Variants in TIAM1 observed in about 807,000 individuals in gnomAD.
TIAM1 encodes the protein TIAM Rac1 associated GEF 1, also known as rho guanine nucleotide exchange factor TIAM1.
Under a neutral mutation model 163.5 loss-of-function variants are expected in TIAM1, and 65 were observed. The observed-to-expected ratio is 0.40, with a 90% confidence interval of 0.33 to 0.49. The LOEUF (loss-of-function observed/expected upper bound fraction) is 0.49. TIAM1 is among the 20% of genes least tolerant of loss of function. TIAM1 has a pLI of 0.77. For synonymous variants in TIAM1, 833 were observed against 810.1 expected, an observed-to-expected ratio of 1.03 and a Z score of -0.48; for missense variants, 1,789 against 2,044.7, an observed-to-expected ratio of 0.87 and a Z score of 2.41.
At position 31,144,202 on chromosome 21, in the gene TIAM1, G is replaced by A. The variant is rs757463196; in HGVS notation, c.3475+2693C>T. On this transcript the variant is annotated intron_variant, in intron 20 of 27. Transcript: ENST00000541036. ...AGAAAGGACACTGGGAAGAGTGGCCGACTGGCCCCATGTGACAGGAGAGCT... is the reference window on the plus strand; with the variant it reads ...AGAAAGGACACTGGGAAGAGTGGCCAACTGGCCCCATGTGACAGGAGAGCT... Among the ~76,000 whole-genome samples the A allele has an allele frequency of 1.4e-4, 22 of 152,184 alleles. 1 individual carries two copies. Among genetic ancestry groups the A allele is most frequent in the Non-Finnish European group, 2.5e-4 (17 of 68,032 alleles).
At chr21:31,431,034 A>G (rs1263206240) in intron 2 of TIAM1, among the ~76,000 whole-genome samples, 2 of 152,162 alleles carry the variant, frequency 1.3e-5, no homozygotes, top group Non-Finnish European at 2.9e-5. Context: ...TGACAATAAT[A>G]ATAATTCTCA....
At chr21:31,537,081 C>T (rs1396438026) in intron 1 of TIAM1, among the ~76,000 whole-genome samples, 1 of 152,244 alleles carries the variant, frequency 6.6e-6, no homozygotes, top group Non-Finnish European at 1.5e-5. Flanking sequence ...TGCTGCAATT[C>T]TGCCTCTGTC....
intron 2 of TIAM1, among the ~76,000 whole-genome samples, chr21:31,277,510 T>C (rs1189229722): frequency 3.3e-5 from 5 of 152,130 alleles, no homozygotes; most frequent in Admixed American, 2.0e-4. Flanking sequence ...CCAGGCATGA[T>C]GGTAGGTGCT....
At chr21:31,349,502 C>T (rs2076200443) in intron 2 of TIAM1, among the ~76,000 whole-genome samples, 3 of 152,218 alleles carry the variant, frequency 2.0e-5, no homozygotes, top group Non-Finnish European at 2.9e-5. Context: ...GGGGTAAAAG[C>T]ATCGAAGTTT....
At chr21:31,527,370 T>C (rs1174191609) in intron 1 of TIAM1, among the ~76,000 whole-genome samples, 2 of 152,082 alleles carry the variant, frequency 1.3e-5, no homozygotes, top group East Asian at 1.9e-4. Context: ...AAAGACCACA[T>C]TTAGGTGCCT....
At chr21:31,148,585 G>A in intron 19 of TIAM1, among the ~76,000 whole-genome samples, 1 of 152,150 alleles carries the variant, frequency 6.6e-6, no homozygotes, top group East Asian at 1.9e-4. Flanking sequence ...AAGAAAATGT[G>A]CTAAATGTAA....
intron 2 of TIAM1, among the ~76,000 whole-genome samples, chr21:31,458,567 C>T (rs935475129): frequency 4.6e-5 from 7 of 152,184 alleles, no homozygotes; most frequent in African/African-American, 1.4e-4. Context: ...CACTGTCCAA[C>T]TGAAGAATTT....
intron 2 of TIAM1, among the ~76,000 whole-genome samples, chr21:31,409,133 C>T (rs1158613258): frequency 3.5e-5 from 5 of 143,976 alleles, no homozygotes; most frequent in Non-Finnish European, 7.5e-5. Context: ...TTTTTTGAGA[C>T]GAAGTCTCGC....
At chr21:31,252,337 A>T in intron 4 of TIAM1, 148 bp from the exon 5 acceptor site, 2 of 862,992 alleles carry the variant, frequency 2.3e-6, no homozygotes, top group South Asian at 3.4e-5. Flanking sequence ...CTCCTGGACC[A>T]GGTCCTGCTC....
At chr21:31,513,090 T>C (rs1459385889) in intron 1 of TIAM1, among the ~76,000 whole-genome samples, 31 of 152,240 alleles carry the variant, frequency 2.0e-4, no homozygotes, top group Non-Finnish European at 4.1e-4. Flanking sequence ...CATTTACTCT[T>C]TTTTAACATA....
At chr21:31,310,060 G>C (rs1332763582) in intron 2 of TIAM1, among the ~76,000 whole-genome samples, 6 of 152,206 alleles carry the variant, frequency 3.9e-5, no homozygotes, top group Non-Finnish European at 8.8e-5. Context: ...ATACCCAACA[G>C]TGGCAGAGAT....
At chr21:31,289,838 T>G (rs2073947402) in intron 2 of TIAM1, among the ~76,000 whole-genome samples, 1 of 152,084 alleles carries the variant, frequency 6.6e-6, no homozygotes, top group South Asian at 2.1e-4. Flanking sequence ...AGCAAATCTG[T>G]TTCTAGTATG....
At chr21:31,354,250 C>T (rs2076280989) in intron 2 of TIAM1, among the ~76,000 whole-genome samples, 1 of 151,996 alleles carries the variant, frequency 6.6e-6, no homozygotes. Flanking sequence ...AACCTCATGC[C>T]CTCTTAAGGA....
intron 17 of TIAM1, 84 bp from the exon 18 acceptor site, chr21:31,153,218 T>C (rs1284359117): frequency 1.7e-6 from 2 of 1,168,122 alleles, no homozygotes; most frequent in East Asian, 2.4e-5. Flanking sequence ...CATATGTTAA[T>C]GTCTATAAAA....
rs999599515 is a variant in TIAM1 at position 31,328,212 on chromosome 21, C to A, written c.-189+11031G>T. 2.6e-5 allele frequency among the ~76,000 whole-genome samples: 4 copies of A among 152,248 alleles called. No individual in the cohort carries two copies. The East Asian group carries it at 7.7e-4, about 29-fold the overall frequency. On this transcript the variant is annotated intron_variant, in intron 2 of 27. Transcript: ENST00000541036. ...CTTGCTTCAAGGGCCTCCACTGTAA[C>A]AATCACCTTCCCACATGGTACATGT...
intron 23 of TIAM1, among the ~76,000 whole-genome samples, chr21:31,133,792 G>A (rs372340564): frequency 3.3e-5 from 5 of 152,234 alleles, no homozygotes; most frequent in South Asian, 2.1e-4. Flanking sequence ...AAAGAGGGTC[G>A]GGCGCGGTGG....
At chr21:31,443,026 A>T (rs1389319175) in intron 2 of TIAM1, among the ~76,000 whole-genome samples, 1 of 152,238 alleles carries the variant, frequency 6.6e-6, no homozygotes, top group Non-Finnish European at 1.5e-5. Flanking sequence ...GTTACCCAGG[A>T]TTGAAAGCAA....
chr21:31,501,961 G>T (rs533536674), intron 1 of TIAM1, among the ~76,000 whole-genome samples: 1 of 152,142 alleles, frequency 6.6e-6, no homozygotes, highest in Non-Finnish European at 1.5e-5. Flanking sequence ...TGGGACCAAC[G>T]GGCTGAATGC....
chr21:31,150,355 T>C (rs1175341729), intron 19 of TIAM1, among the ~76,000 whole-genome samples: 1 of 152,144 alleles, frequency 6.6e-6, no homozygotes, highest in Non-Finnish European at 1.5e-5. Flanking sequence ...CCAAAACTTG[T>C]ACCCTAACAT....
Sources: allele counts gnomAD v4.1 joint callset (sites outside exome capture counted in the v4.1 genomes callset), GRCh38; gene constraint gnomAD v4.1.1; transcripts MANE v1.5; gene names NCBI Gene and HGNC (gene_info 2026-07-23, HGNC 2026-07-21).